Variants in SMC2 observed in about 807,000 individuals in gnomAD.
SMC2 encodes the protein structural maintenance of chromosomes 2.
SMC2 carries 41 observed loss-of-function variants against 142.6 expected under a neutral mutation model. The ratio of observed to expected loss-of-function variants is 0.29; its 90% confidence interval spans 0.22 to 0.37. The LOEUF (loss-of-function observed/expected upper bound fraction) is 0.37, where lower values mean the gene tolerates loss of function less well. SMC2 is among the 10% of genes least tolerant of loss of function. The pLI, the probability that SMC2 is intolerant of heterozygous loss-of-function variation, is 1.00. For missense variants in SMC2, 1,265 were observed against 1,373.7 expected (o/e 0.92, Z 1.25); for synonymous variants, 463 against 457.5 (o/e 1.01, Z -0.15).
intron 15 of SMC2, among the ~76,000 whole-genome samples, chr9:104,119,660 GTGTACTGCCTCCTAAAGCAAATTA>G (rs1415001027): frequency 3.9e-5 from 6 of 152,166 alleles, no homozygotes; most frequent in South Asian, 2.1e-4. Context: ...AAAGCAAATG[GTGTACTGCCTCCTAAAGCAAATTA>G]TGTACTGCCT....
At chr9:104,137,330 A>C (rs1421809780) in intron 23 of SMC2, among the ~76,000 whole-genome samples, 1 of 152,134 alleles carries the variant, frequency 6.6e-6, no homozygotes, top group East Asian at 1.9e-4. Flanking sequence ...TAAAGAAAAA[A>C]TATAATAATA....
chr9:104,093,402 G>C (rs1438142414), upstream of SMC2, among the ~76,000 whole-genome samples: 1 of 151,998 alleles, frequency 6.6e-6, no homozygotes, highest in African/African-American at 2.4e-5. Context: ...GACCGCCTGG[G>C]AACAAATCCC....
chr9:104,120,283 A>G, intron 16 of SMC2, 121 bp downstream of exon 16: 1 of 920,198 alleles, frequency 1.1e-6, no homozygotes, highest in Non-Finnish European at 1.6e-6. Context: ...TTTATTTAAA[A>G]TGTTTGATTA....
chr9:104,088,803 G>C, the SMC2 span, among the ~76,000 whole-genome samples: 1 of 151,992 alleles, frequency 6.6e-6, no homozygotes, highest in Non-Finnish European at 1.5e-5. Context: ...CTCAACTATG[G>C]ATTCCTTGGA....
intron 3 of SMC2, among the ~76,000 whole-genome samples, chr9:104,098,178 C>A (rs1830671788): frequency 1.3e-5 from 2 of 152,110 alleles, no homozygotes; most frequent in South Asian, 4.1e-4. Flanking sequence ...CTAGAAGTTA[C>A]CTCGGAGACC....
At chr9:104,135,382 TAGCAATAGAACAGAA>T (rs1835419693) in intron 23 of SMC2, among the ~76,000 whole-genome samples, 1 of 152,126 alleles carries the variant, frequency 6.6e-6, no homozygotes, top group Non-Finnish European at 1.5e-5. Context: ...TTTGAAGACA[TAGCAATAGAACAGAA>T]TCTGTTCAAG....
chr9:104,104,477 T>C (rs1440873295), intron 9 of SMC2, among the ~76,000 whole-genome samples: 1 of 152,184 alleles, frequency 6.6e-6, no homozygotes, highest in Non-Finnish European at 1.5e-5. Context: ...GCTCTGAGTT[T>C]ATACCCTAGA....
At chr9:104,096,108 G>C (rs1353303832) in intron 2 of SMC2, 40 bp from the exon 3 acceptor site, 1 of 1,587,900 alleles carries the variant, frequency 6.3e-7, no homozygotes, top group Non-Finnish European at 8.6e-7. Flanking sequence ...TGTACGGTAG[G>C]GAGTTTTGTA....
At position 104,139,617 on chromosome 9, in the gene SMC2, A is replaced by T; in HGVS notation, c.*302A>T. 5.0e-6 allele frequency: 1 copy of T among 200,840 alleles called. No individual in the cohort carries two copies. The highest frequency in any genetic ancestry group is 9.9e-6 in the Non-Finnish European group (1 of 101,318). The allele number at this position is 200,840 out of a possible 1,614,324, so 12.4% of individuals were successfully genotyped here. On this transcript the variant is annotated 3_prime_UTR_variant, in exon 25 of 25. Coordinates refer to ENST00000374793, the MANE Select transcript of SMC2 (RefSeq NM_006444.3). ...CCCGATTCTATATGTAAAAGCTAATATACAAAAAAGCAGATTAAATTACAT... is the reference window on the plus strand; with the variant it reads ...CCCGATTCTATATGTAAAAGCTAATTTACAAAAAAGCAGATTAAATTACAT...
upstream of SMC2, among the ~76,000 whole-genome samples, chr9:104,091,326 A>T (rs1829979021): frequency 6.6e-6 from 1 of 152,178 alleles, no homozygotes; most frequent in Admixed American, 6.5e-5. Flanking sequence ...CTATAACACA[A>T]TGTTGTGTTT....
At chr9:104,095,913 A>G (rs1830403010) in intron 2 of SMC2, among the ~76,000 whole-genome samples, 1 of 152,240 alleles carries the variant, frequency 6.6e-6, no homozygotes. Flanking sequence ...TTTTATTAAA[A>G]AATGAATAGG....
intron 22 of SMC2, 87 bp from the exon 23 acceptor site, chr9:104,134,328 C>A (rs879774873): frequency 7.5e-6 from 7 of 929,764 alleles, no homozygotes; most frequent in Non-Finnish European, 9.4e-6. Context: ...ACAAAGTAGA[C>A]CTGCTGTGTT....
intron 16 of SMC2, among the ~76,000 whole-genome samples, chr9:104,121,133 G>A (rs944439695): frequency 5.1e-5 from 7 of 138,254 alleles, no homozygotes; most frequent in East Asian, 3.9e-4. Flanking sequence ...TTATCTGGGA[G>A]AATAGTCCCC....
At chr9:104,121,975 G>A (rs1018188183) in intron 16 of SMC2, among the ~76,000 whole-genome samples, 2 of 152,060 alleles carry the variant, frequency 1.3e-5, no homozygotes, top group Non-Finnish European at 2.9e-5. Flanking sequence ...GGTTGGTCTC[G>A]AACTCCTGGC....
intron 23 of SMC2, 27 bp downstream of exon 23, chr9:104,134,602 A>AATATTATAC (rs78230880): frequency 2.0e-6 from 3 of 1,470,256 alleles, no homozygotes; most frequent in South Asian, 2.6e-5. Flanking sequence ...CTATATTATA[A>AATATTATAC]TTTTCATTCC....
At chr9:104,115,242 CCTT>C (rs1471871336) in intron 13 of SMC2, among the ~76,000 whole-genome samples, 1 of 149,512 alleles carries the variant, frequency 6.7e-6, no homozygotes, top group Non-Finnish European at 1.5e-5. Context: ...AAATTTACTT[CCTT>C]GTTTTTTTTT....
Position 104,118,245 on chromosome 9 carries a change from T to C in SMC2, c.1866T>C (p.Phe622=). ...YKPELQKAME[F]VFGTTFVCDN... ...CAGAACTTCAGAAAGCAATGGAGTT[T>C]GTCTTTGGAACAACATTTGTTTGTG... The change falls in exon 15 of 25, where the codon TTT becomes TTC. Residue 622 remains phenylalanine (F), a synonymous_variant. Transcript: ENST00000374793. 6.2e-7 allele frequency: 1 copy of C among 1,613,860 alleles called. No individual in the cohort carries two copies. Among genetic ancestry groups the C allele is most frequent in the Admixed American group, 1.7e-5 (1 of 60,008 alleles).
rs746903710 is a variant in SMC2 at position 104,098,495 on chromosome 9, A to C, written c.368A>C (p.Asn123Thr). ...NKYLINGVNA[N>T]NTRVQDLFCS... ...TATTTAATCAATGGAGTCAATGCCA[A>C]CAACACCAGAGTACAGGATCTCTTC... Residue 123 changes from asparagine (N) to threonine (T), a missense_variant, in exon 4 of 25, where the codon AAC becomes ACC. Asn to Thr is a moderately conservative substitution (Grantham distance 65). Around this residue, in one of 4 missense-constraint regions of SMC2, gnomAD observed 168 missense variants for 184.8 expected, o/e 0.91. Transcript: ENST00000374793. 1 of 1,598,996 alleles carries C rather than the reference A, an allele frequency of 6.3e-7. No homozygotes were observed. The highest frequency in any genetic ancestry group is 8.5e-7 in the Non-Finnish European group (1 of 1,174,372).
chr9:104,126,879 TCA>T, intron 19 of SMC2, 95 bp downstream of exon 19: 1 of 1,200,464 alleles, frequency 8.3e-7, no homozygotes, highest in Non-Finnish European at 1.2e-6. Context: ...CTCAGTCTTT[TCA>T]CTCGTCATCA....
Sources: allele counts gnomAD v4.1 joint callset (sites outside exome capture counted in the v4.1 genomes callset), GRCh38; gene constraint gnomAD v4.1.1; regional missense constraint gnomAD v4.1.1; transcripts MANE v1.5; gene names NCBI Gene and HGNC (gene_info 2026-07-23, HGNC 2026-07-21).